The following NAV3 variants were observed in gnomAD, a reference collection of about 807,000 sequenced individuals.
NAV3 encodes neuron navigator 3, also known as pore membrane and/or filament interacting like protein 1.
A neutral mutation model predicts 244.7 loss-of-function variants in NAV3; 87 were observed. The observed-to-expected ratio is 0.36, with a 90% confidence interval of 0.30 to 0.42. The LOEUF (loss-of-function observed/expected upper bound fraction) is 0.42, where lower values mean the gene tolerates loss of function less well. NAV3 is among the 20% of genes least tolerant of loss of function. NAV3 has a pLI of 1.00. For synonymous variants in NAV3, 1,126 were observed against 1,042.2 expected, an observed-to-expected ratio of 1.08 and a Z score of -1.55; for missense variants, 2,663 against 2,893.3, an observed-to-expected ratio of 0.92 and a Z score of 1.83.
At chr12:78,178,804 A>G (rs964116456) in intron 28 of NAV3, among the ~76,000 whole-genome samples, 2 of 152,116 alleles carry the variant, frequency 1.3e-5, no homozygotes, top group Non-Finnish European at 2.9e-5. Context: ...ATGTTAGTTA[A>G]TATAAAACAA....
chr12:78,064,426 T>TCTGTCTGCCTGTCTGC (rs66686266), intron 12 of NAV3, among the ~76,000 whole-genome samples: 1 of 136,194 alleles, frequency 7.3e-6, no homozygotes, highest in Non-Finnish European at 1.6e-5. Context: ...TGTCTGTCTG[T>TCTGTCTGCCTGTCTGC]CTGCCTGCCT....
intron 12 of NAV3, among the ~76,000 whole-genome samples, chr12:78,107,294 T>C (rs1470795258): frequency 4.6e-5 from 7 of 151,460 alleles, no homozygotes; most frequent in Admixed American, 4.6e-4. Context: ...CCCCTGAGAG[T>C]GAAAAGACAA....
intron 12 of NAV3, among the ~76,000 whole-genome samples, chr12:78,109,442 C>T (rs1396972270): frequency 1.3e-5 from 2 of 151,972 alleles, no homozygotes; most frequent in Admixed American, 1.3e-4. Context: ...CTCTCTGGCT[C>T]ATTCTACATG....
chr12:78,098,715 ACTGGTTTTTTTT>A, intron 12 of NAV3, among the ~76,000 whole-genome samples: 1 of 143,380 alleles, frequency 7.0e-6, no homozygotes, highest in Admixed American at 7.0e-5. Flanking sequence ...AATATTTGAA[ACTGGTTTTTTTT>A]TAGCATTTAA....
chr12:78,173,761 A>G (rs1483677907), intron 24 of NAV3, among the ~76,000 whole-genome samples: 2 of 151,340 alleles, frequency 1.3e-5, no homozygotes, highest in East Asian at 3.9e-4. Flanking sequence ...AAAAAGCTGT[A>G]TGTGTTTCTT....
chr12:77,966,364 A>G, intron 4 of NAV3, 63 bp downstream of exon 4: 1 of 1,347,910 alleles, frequency 7.4e-7, no homozygotes, highest in Non-Finnish European at 1.0e-6. Context: ...ATTTTTTATA[A>G]TGTAAGAAAT....
At chr12:77,975,088 T>TCAGTC (rs1868285927) in intron 5 of NAV3, among the ~76,000 whole-genome samples, 1 of 152,212 alleles carries the variant, frequency 6.6e-6, no homozygotes, top group African/African-American at 2.4e-5. Flanking sequence ...TTAATAATGC[T>TCAGTC]CAGTCCTTTG....
chr12:77,918,050 G>C (rs1028077162), intron 1 of NAV3, among the ~76,000 whole-genome samples: 1 of 152,096 alleles, frequency 6.6e-6, no homozygotes, highest in Non-Finnish European at 1.5e-5. Context: ...ATTTAAAAAA[G>C]TCCAAATTGA....
intron 23 of NAV3, among the ~76,000 whole-genome samples, chr12:78,167,959 T>C (rs572855824): frequency 6.6e-6 from 1 of 151,616 alleles, no homozygotes; most frequent in East Asian, 1.9e-4. Flanking sequence ...AAAGTTCAAA[T>C]TTGTGCAAAT....
intron 2 of NAV3, among the ~76,000 whole-genome samples, chr12:77,642,498 A>G (rs1049753357): frequency 6.6e-6 from 1 of 152,108 alleles, no homozygotes; most frequent in Non-Finnish European, 1.5e-5. Flanking sequence ...AAAACTTTCT[A>G]TAAGCTTTGT....
chr12:77,933,226 T>C (rs1177801310), intron 1 of NAV3, among the ~76,000 whole-genome samples: 1 of 152,188 alleles, frequency 6.6e-6, no homozygotes, highest in Non-Finnish European at 1.5e-5. Flanking sequence ...GTGTATAGAA[T>C]AGTATAATGC....
intron 2 of NAV3, among the ~76,000 whole-genome samples, chr12:77,607,971 C>G (rs1870746776): frequency 6.6e-6 from 1 of 152,008 alleles, no homozygotes; most frequent in African/African-American, 2.4e-5. Flanking sequence ...GGTGGTTGAA[C>G]TATAATGATG....
chr12:78,182,217 T>C lies in NAV3; in HGVS notation c.5692+1172T>C, dbSNP rs1425949892. ...GTAATTTGAGTTTGTAAATTACACA[T>C]AAAGTATTATCCACACTCAACAAAA... is the stretch of plus-strand genomic sequence containing the variant. On this transcript the variant is annotated intron_variant, in intron 30 of 39. Coordinates refer to ENST00000397909, the MANE Select transcript of NAV3 (RefSeq NM_001024383.2). Among the ~76,000 whole-genome samples the C allele has an allele frequency of 2.6e-5, 4 of 152,072 alleles. No individual in the cohort carries two copies. In the South Asian group the frequency reaches 6.2e-4, roughly 24 times the overall value.
At chr12:78,107,159 G>C (rs1261652377) in intron 12 of NAV3, among the ~76,000 whole-genome samples, 5 of 152,138 alleles carry the variant, frequency 3.3e-5, no homozygotes, top group African/African-American at 1.2e-4. Flanking sequence ...CCAGAAGAAA[G>C]AATCTCAGAA....
intron 3 of NAV3, among the ~76,000 whole-genome samples, chr12:77,961,006 TATATATGTATATGTTACATGTATACGC>T (rs1891880129): frequency 6.8e-6 from 1 of 146,578 alleles, no homozygotes; most frequent in Non-Finnish European, 1.5e-5. Context: ...CGCATATATG[TATATATGTATATGTTACATGTATACGC>T]ATATATGTAT....
In NAV3 at chr12:78,177,611, T is replaced by G. The variant is rs1277675605; in HGVS notation, c.5298-9T>G. ...GTCCATGTATCTGTCTAACTGTATGTACATACAGGTCACCCCTTGTCTGGC... is the reference window on the plus strand; with the variant it reads ...GTCCATGTATCTGTCTAACTGTATGGACATACAGGTCACCCCTTGTCTGGC... On this transcript the variant is annotated splice_polypyrimidine_tract_variant and intron_variant, in intron 27 of 39. Coordinates refer to ENST00000397909, the MANE Select transcript of NAV3 (RefSeq NM_001024383.2). 1 of 1,596,612 alleles carries G rather than the reference T, an allele frequency of 6.3e-7. No homozygotes were observed. Among genetic ancestry groups the G allele is most frequent in the Non-Finnish European group, 8.5e-7 (1 of 1,178,760 alleles).
intron 18 of NAV3, among the ~76,000 whole-genome samples, chr12:78,131,837 C>G (rs1956178874): frequency 6.6e-6 from 1 of 152,124 alleles, no homozygotes; most frequent in Non-Finnish European, 1.5e-5. Flanking sequence ...TCTGCCAAAT[C>G]ATTATTTTCA....
intron 2 of NAV3, among the ~76,000 whole-genome samples, chr12:77,698,373 C>CA: frequency 6.6e-6 from 1 of 152,064 alleles, no homozygotes; most frequent in East Asian, 1.9e-4. Flanking sequence ...TTATATCACC[C>CA]ATCACTGGAA....
intron 2 of NAV3, among the ~76,000 whole-genome samples, chr12:77,813,184 A>G (rs1374973919): frequency 6.6e-6 from 1 of 152,168 alleles, no homozygotes; most frequent in African/African-American, 2.4e-5. Context: ...GCCTGGTTAG[A>G]GTTTACATAC....
Sources: gnomAD v4.1 joint callset for allele counts (sites outside exome capture counted in the v4.1 genomes callset) on GRCh38, gnomAD v4.1.1 for gene constraint, MANE v1.5 for transcripts, NCBI Gene and HGNC (gene_info 2026-07-23, HGNC 2026-07-21) for gene names.